Variants in KCNQ5 observed in about 807,000 individuals in gnomAD.
KCNQ5 encodes potassium voltage-gated channel subfamily KQT member 5.
A neutral mutation model predicts 98.2 loss-of-function variants in KCNQ5; 30 were observed. The ratio of observed to expected loss-of-function variants is 0.31; its 90% confidence interval spans 0.23 to 0.41. The LOEUF is 0.41. KCNQ5 is among the 10% of genes least tolerant of loss of function. The probability of loss-of-function intolerance (pLI) is 1.00; values close to 1 mark genes in which losing one functional copy is unlikely to be tolerated. For missense variants in KCNQ5, 835 were observed against 1,182.5 expected (o/e 0.71, Z 4.31); for synonymous variants, 458 against 449.4 (o/e 1.02, Z -0.24).
intron 2 of KCNQ5, among the ~76,000 whole-genome samples, chr6:73,015,416 T>C (rs915154567): frequency 2.0e-5 from 3 of 152,104 alleles, no homozygotes; most frequent in African/African-American, 7.2e-5. Flanking sequence ...AGTTGCCCCA[T>C]AAAAAGTATT....
intron 1 of KCNQ5, among the ~76,000 whole-genome samples, chr6:72,945,377 A>G (rs1456190978): frequency 6.7e-6 from 1 of 148,712 alleles, no homozygotes; most frequent in Non-Finnish European, 1.5e-5. Flanking sequence ...AACATTAGGT[A>G]TATCTCCAAA....
At chr6:72,655,974 C>T (rs537565138) in intron 1 of KCNQ5, among the ~76,000 whole-genome samples, 1 of 152,272 alleles carries the variant, frequency 6.6e-6, no homozygotes, top group South Asian at 2.1e-4. Flanking sequence ...TATTCAGGAA[C>T]ATTCCATACA....
chr6:73,124,510 C>A lies in KCNQ5; in HGVS notation c.1245C>A (p.Ser415Arg). 1 of 1,613,332 alleles carries A rather than the reference C, an allele frequency of 6.2e-7. No individual in the cohort carries two copies. Among genetic ancestry groups the A allele is most frequent in the East Asian group, 2.2e-5 (1 of 44,856 alleles). The change falls in exon 9 of 14, where the codon AGC (serine) becomes AGA (arginine). Residue 415 changes from serine (S) to arginine (R), a missense_variant and splice_region_variant. By Grantham distance (110) the Ser-to-Arg change is moderately radical. Coordinates refer to ENST00000370398, the MANE Select transcript of KCNQ5 (RefSeq NM_019842.4). ...PTKKEQGEASSSQKLSFKERV... is the reference protein window; with the variant it reads ...PTKKEQGEASRSQKLSFKERV... ...GGAAAGAACAAGGGGAAGCATCAAG[C>A]AGGTTTGTGATTTCTCTCTTGCTAC...
At chr6:72,719,412 G>T (rs1769830139) in intron 1 of KCNQ5, among the ~76,000 whole-genome samples, 1 of 151,930 alleles carries the variant, frequency 6.6e-6, no homozygotes, top group South Asian at 2.1e-4. Context: ...AAGTAATGAT[G>T]AAGTAACAGG....
chr6:72,783,446 G>T (rs779790350), intron 1 of KCNQ5, among the ~76,000 whole-genome samples: 17 of 152,104 alleles, frequency 1.1e-4, no homozygotes, highest in Non-Finnish European at 1.6e-4. Flanking sequence ...ACTTTGAAAT[G>T]AAGTAACTAA....
At chr6:72,788,277 A>G (rs570072856) in intron 1 of KCNQ5, among the ~76,000 whole-genome samples, 29 of 152,244 alleles carry the variant, frequency 1.9e-4, no homozygotes, top group Non-Finnish European at 3.7e-4. Context: ...TCCAGATTCA[A>G]ATCCTGACTC....
intron 1 of KCNQ5, among the ~76,000 whole-genome samples, chr6:72,947,161 C>T (rs1424390466): frequency 6.6e-6 from 1 of 152,052 alleles, no homozygotes; most frequent in Non-Finnish European, 1.5e-5. Flanking sequence ...AGATGATGTA[C>T]AGGGGGAAAA....
intron 1 of KCNQ5, among the ~76,000 whole-genome samples, chr6:72,834,666 A>G (rs919642590): frequency 2.0e-5 from 3 of 151,968 alleles, no homozygotes; most frequent in Non-Finnish European, 4.4e-5. Context: ...TTGCTGCAAG[A>G]CTCTGTTGGC....
At chr6:73,034,245 G>C (rs1228115693) in intron 2 of KCNQ5, among the ~76,000 whole-genome samples, 1 of 152,178 alleles carries the variant, frequency 6.6e-6, no homozygotes, top group East Asian at 1.9e-4. Context: ...TATGTAAAGA[G>C]GCATGTTGAC....
intron 3 of KCNQ5, among the ~76,000 whole-genome samples, chr6:73,062,799 C>T (rs987222417): frequency 1.3e-5 from 2 of 152,136 alleles, no homozygotes; most frequent in Non-Finnish European, 2.9e-5. Flanking sequence ...CTTGTCTACT[C>T]CCATATTGCC....
intron 9 of KCNQ5, among the ~76,000 whole-genome samples, chr6:73,126,114 G>T (rs1015692481): frequency 6.6e-6 from 1 of 152,154 alleles, no homozygotes; most frequent in Non-Finnish European, 1.5e-5. Flanking sequence ...GTAGCTTATA[G>T]TTGCTTTGGT....
At chr6:72,714,770 C>A (rs1769555772) in intron 1 of KCNQ5, among the ~76,000 whole-genome samples, 1 of 152,104 alleles carries the variant, frequency 6.6e-6, no homozygotes, top group Non-Finnish European at 1.5e-5. Context: ...AATGTCAAGG[C>A]AGTTCAAAAA....
intron 1 of KCNQ5, among the ~76,000 whole-genome samples, chr6:72,727,576 C>T (rs1447720490): frequency 6.6e-6 from 1 of 152,032 alleles, no homozygotes; most frequent in African/African-American, 2.4e-5. Flanking sequence ...ATGATTGCCT[C>T]TAAAATAATT....
intron 1 of KCNQ5, among the ~76,000 whole-genome samples, chr6:72,909,979 GTGAC>G (rs1779861562): frequency 6.6e-6 from 1 of 152,178 alleles, no homozygotes; most frequent in Non-Finnish European, 1.5e-5. Context: ...GCTCTTGAAT[GTGAC>G]TGACTTTCTT....
intron 1 of KCNQ5, among the ~76,000 whole-genome samples, chr6:72,681,206 C>T (rs933396143): frequency 6.6e-6 from 1 of 152,156 alleles, no homozygotes; most frequent in Non-Finnish European, 1.5e-5. Flanking sequence ...GCAATGGGGG[C>T]TTTCTGTGTA....
Position 72,653,096 on chromosome 6 carries a change from A to AT in KCNQ5, c.398+30518dup, listed in dbSNP as rs1049971317. 7.3e-5 allele frequency among the ~76,000 whole-genome samples: 11 copies of AT among 150,848 alleles called. 2 individuals are homozygous for AT. The highest frequency in any genetic ancestry group is 4.2e-4 in the South Asian group (2 of 4,790). ...TGTTTATTCCATAAGAGTGGCTTTC[A>AT]TTTTTTTTTAAAAAAGAGACCTCTC... On this transcript the variant is annotated intron_variant, in intron 1 of 13. Transcript: ENST00000370398.
At chr6:72,939,714 T>TG (rs1308774936) in intron 1 of KCNQ5, among the ~76,000 whole-genome samples, 1 of 152,170 alleles carries the variant, frequency 6.6e-6, no homozygotes, top group African/African-American at 2.4e-5. Context: ...TACTTAAACT[T>TG]GATGCAAGCC....
At chr6:72,937,869 C>T (rs1384491504) in intron 1 of KCNQ5, among the ~76,000 whole-genome samples, 1 of 152,042 alleles carries the variant, frequency 6.6e-6, no homozygotes, top group South Asian at 2.1e-4. Flanking sequence ...ATGTAGACCC[C>T]AAGTTTTCTC....
intron 1 of KCNQ5, among the ~76,000 whole-genome samples, chr6:72,628,045 C>G (rs1386253446): frequency 2.0e-5 from 3 of 152,200 alleles, no homozygotes; most frequent in Non-Finnish European, 2.9e-5. Flanking sequence ...TCCCACATGA[C>G]AGCAAGCTTC....
Sources: allele counts gnomAD v4.1 joint callset (sites outside exome capture counted in the v4.1 genomes callset), GRCh38; gene constraint gnomAD v4.1.1; transcripts MANE v1.5; gene names NCBI Gene and HGNC (gene_info 2026-07-23, HGNC 2026-07-21).